Variants in PAFAH1B1 observed in about 807,000 individuals in gnomAD.
PAFAH1B1 encodes platelet activating factor acetylhydrolase 1b regulatory subunit 1, also known as platelet-activating factor acetylhydrolase IB subunit beta.
A neutral mutation model predicts 57.5 loss-of-function variants in PAFAH1B1; 2 were observed. The ratio of observed to expected loss-of-function variants is 0.03; its 90% CI spans 0.01 to 0.11. The LOEUF is 0.11. Among genes scored for constraint, PAFAH1B1 ranks in the 10% least tolerant of loss-of-function variants. The pLI is 1.00. For synonymous variants in PAFAH1B1, 152 were observed against 169.6 expected, an observed-to-expected ratio of 0.90 and a Z score of 0.81; for missense variants, 257 against 512.0, an observed-to-expected ratio of 0.50 and a Z score of 4.81.
At chr17:2,619,176 G>A in intron 1 of PAFAH1B1, among the ~76,000 whole-genome samples, 2 of 151,846 alleles carry the variant, frequency 1.3e-5, no homozygotes, top group Middle Eastern at 6.8e-3. Flanking sequence ...TTGAGACAGG[G>A]TCTCACTGTG....
chr17:2,633,549 GA>G (rs2068583320), intron 1 of PAFAH1B1, among the ~76,000 whole-genome samples: 1 of 151,842 alleles, frequency 6.6e-6, no homozygotes, highest in African/African-American at 2.4e-5. Context: ...GCTGGGGGAA[GA>G]AAGAGAAAAA....
intron 1 of PAFAH1B1, among the ~76,000 whole-genome samples, chr17:2,624,743 G>A (rs1795161789): frequency 6.6e-6 from 1 of 152,152 alleles, no homozygotes; most frequent in African/African-American, 2.4e-5. Context: ...TGGTTTCTCT[G>A]TGTTGCCCAG....
intron 1 of PAFAH1B1, among the ~76,000 whole-genome samples, chr17:2,598,459 C>G (rs766437550): frequency 1.3e-5 from 2 of 151,900 alleles, no homozygotes; most frequent in Non-Finnish European, 2.9e-5. Flanking sequence ...TTACTTGCCT[C>G]TAAGTCCCTG....
At chr17:2,675,051 G>T (rs1207968771) in intron 8 of PAFAH1B1, among the ~76,000 whole-genome samples, 1 of 152,116 alleles carries the variant, frequency 6.6e-6, no homozygotes, top group Non-Finnish European at 1.5e-5. Flanking sequence ...GCCCAGGCTG[G>T]AGTACAGTAG....
intron 2 of PAFAH1B1, among the ~76,000 whole-genome samples, chr17:2,652,643 A>G (rs1400504058): frequency 1.3e-5 from 2 of 152,170 alleles, no homozygotes; most frequent in East Asian, 3.9e-4. Context: ...GAAGGTCTGC[A>G]CCTGCCCGCG....
chr17:2,662,094 T>C (rs557141038), intron 2 of PAFAH1B1: 2 of 150,536 alleles, frequency 1.3e-5, no homozygotes, highest in South Asian at 4.2e-4. Flanking sequence ...TGAGGTGTTA[T>C]GACTAGTATT....
At chr17:2,634,077 T>G (rs144754326) in intron 1 of PAFAH1B1, among the ~76,000 whole-genome samples, 3 of 150,990 alleles carry the variant, frequency 2.0e-5, no homozygotes, top group African/African-American at 7.3e-5. Context: ...TAAAATGGAG[T>G]TAATCATACT....
intron 6 of PAFAH1B1, among the ~76,000 whole-genome samples, chr17:2,672,039 A>G (rs1010137673): frequency 6.6e-6 from 1 of 152,094 alleles, no homozygotes; most frequent in African/African-American, 2.4e-5. Flanking sequence ...AGGCCAAGGC[A>G]GGAAGGATTG....
At chr17:2,618,476 A>G (rs1450263756) in intron 1 of PAFAH1B1, among the ~76,000 whole-genome samples, 4 of 152,024 alleles carry the variant, frequency 2.6e-5, no homozygotes, top group Non-Finnish European at 4.4e-5. Context: ...AAATGAAGTT[A>G]CTCTTACGGA....
At position 2,670,133 on chromosome 17, in the gene PAFAH1B1, G is replaced by A. The variant is rs562369565; in HGVS notation, c.400-30G>A. 42 of 1,607,476 alleles carry A rather than the reference G, an allele frequency of 2.6e-5. 1 individual carries two copies. The South Asian group carries it at 4.1e-4, about 16-fold the overall frequency. ...AAACAAGAAAGGAGTGATGGAGTTG[G>A]TGTTAACCAATTTTCTGTTCACTTG... On this transcript the variant is annotated intron_variant, in intron 5 of 10. Coordinates refer to ENST00000397195, the MANE Select transcript of PAFAH1B1 (RefSeq NM_000430.4).
At position 2,593,690 on chromosome 17, in the gene PAFAH1B1, G is replaced by C. The variant is rs886052703; in HGVS notation, c.-507G>C. On this transcript the variant is annotated 5_prime_UTR_variant, in exon 1 of 11. Coordinates refer to ENST00000397195, the MANE Select transcript of PAFAH1B1 (RefSeq NM_000430.4). The stretch of plus-strand genomic sequence containing the variant: ...GAGCGGCGGGGCGGCGGCGGAGTCC[G>C]GCGGCCGGGAGAGCGAGTGAGCGAG... The C allele has an allele frequency of 1.1e-5, 3 of 279,080 alleles. No homozygotes were observed. Among genetic ancestry groups the C allele is most frequent in the Non-Finnish European group, 2.0e-5 (3 of 150,712 alleles). 17.3% of individuals were successfully genotyped at this position (279,080 alleles called of 1,614,324 possible). A position where few individuals can be genotyped will look rare whatever the true frequency, so the allele number is the denominator to read the frequency against.
chr17:2,659,716 A>AACAG (rs1036175781), intron 2 of PAFAH1B1, among the ~76,000 whole-genome samples: 16 of 152,058 alleles, frequency 1.1e-4, no homozygotes, highest in African/African-American at 3.9e-4. Flanking sequence ...GCTCACCTGT[A>AACAG]ATCCCAGCTA....
rs2068421993 is a variant in PAFAH1B1 at position 2,621,605 on chromosome 17, G to GTTTTTTTTTTTTTTTTT, written c.-190-16493_-190-16492insTTTTTTTTTTTTTTTTT. Among the ~76,000 whole-genome samples the GTTTTTTTTTTTTTTTTT allele has an allele frequency of 9.7e-5, 9 of 93,208 alleles. 2 individuals are homozygous for GTTTTTTTTTTTTTTTTT. The highest frequency in any genetic ancestry group is 1.9e-4 in the African/African-American group (4 of 21,296). The allele number at this position is 93,208 out of a possible 152,430, so 61.1% of individuals were successfully genotyped here. On this transcript the variant is annotated intron_variant, in intron 1 of 10. Coordinates refer to ENST00000397195, the MANE Select transcript of PAFAH1B1 (RefSeq NM_000430.4). ...GCTATTCAAGCATGGTAGATAATCT[G>GTTTTTTTTTTTTTTTTT]TCTTTTTTTTTTTTTTTTTTTTTTT...
chr17:2,681,566 ACAGTTCTGCAT>A (rs1209250574), intron 10 of PAFAH1B1, 152 bp from the exon 11 acceptor site: 1 of 604,508 alleles, frequency 1.7e-6, no homozygotes, highest in Non-Finnish European at 3.0e-6. Flanking sequence ...CCCAGCTCAA[ACAGTTCTGCAT>A]CAGTCTCCCG....
At chr17:2,665,983 AT>A (rs769747818) in intron 3 of PAFAH1B1, 32 bp from the exon 4 acceptor site, 3 of 1,431,606 alleles carry the variant, frequency 2.1e-6, no homozygotes, top group African/African-American at 1.4e-5. Context: ...TAGTTAAGCC[AT>A]TTTTTAAAAA....
chr17:2,625,547 T>G (rs1392197153), intron 1 of PAFAH1B1, among the ~76,000 whole-genome samples: 1 of 152,226 alleles, frequency 6.6e-6, no homozygotes, highest in South Asian at 2.1e-4. Context: ...ATTGCCTGAT[T>G]TATTTGTACT....
rs16952273 is a variant in PAFAH1B1 at position 2,637,848 on chromosome 17, A to C, written c.-190-251A>C. Among the ~76,000 whole-genome samples the C allele has an allele frequency of 1.9e-3, 294 of 152,346 alleles. 1 individual carries two copies. The highest frequency in any genetic ancestry group is 3.2e-3 in the Non-Finnish European group (218 of 68,034). ...AATCAAATGTATCTGGCAGGTTAAC[A>C]TGATTGGGAGTGGGTAAATGTATGT... On this transcript the variant is annotated intron_variant, in intron 1 of 10. Coordinates refer to ENST00000397195, the MANE Select transcript of PAFAH1B1 (RefSeq NM_000430.4).
intron 5 of PAFAH1B1, among the ~76,000 whole-genome samples, chr17:2,669,504 C>T (rs765274350): frequency 7.2e-5 from 11 of 152,156 alleles, no homozygotes; most frequent in Non-Finnish European, 1.2e-4. Flanking sequence ...CGTGGTCCGC[C>T]CGCCTTGGCC....
At position 2,672,114 on chromosome 17, in the gene PAFAH1B1, A is replaced by G. The variant is rs533390396; in HGVS notation, c.569-541A>G. Among the ~76,000 whole-genome samples the G allele has an allele frequency of 5.9e-5, 9 of 151,954 alleles. No individual in the cohort carries two copies. In the East Asian group the frequency reaches 1.6e-3, roughly 26 times the overall value. ...GGAGACCTTGTCTCTACAAAAAATA[A>G]AATAGTTGTGGGTGTGGTGGTACCA... On this transcript the variant is annotated intron_variant, in intron 6 of 10. Transcript: ENST00000397195.
Sources: allele counts gnomAD v4.1 joint callset (sites outside exome capture counted in the v4.1 genomes callset), GRCh38; gene constraint gnomAD v4.1.1; transcripts MANE v1.5; gene names NCBI Gene and HGNC (gene_info 2026-07-23, HGNC 2026-07-21).